Variants in NRXN1 observed in about 807,000 individuals in gnomAD.
The protein encoded by NRXN1 is neurexin 1.
Under a neutral mutation model 150.9 loss-of-function variants are expected in NRXN1, and 39 were observed. The ratio of observed to expected loss-of-function variants is 0.26; its 90% CI spans 0.20 to 0.34. The LOEUF is 0.34. Among genes scored for constraint, NRXN1 ranks in the 10% least tolerant of loss-of-function variants. The pLI is 1.00. For missense variants in NRXN1, 1,815 were observed against 1,949.9 expected (o/e 0.93, Z 1.30); for synonymous variants, 924 against 757.0 (o/e 1.22, Z -3.62).
chr2:50,548,263 A>C (rs2093537884), intron 9 of NRXN1: 1 of 152,200 alleles, frequency 6.6e-6, no homozygotes, highest in Middle Eastern at 3.2e-3. Context: ...AAGGGACAGA[A>C]GTCCTGTTCT....
intron 13 of NRXN1, among the ~76,000 whole-genome samples, chr2:50,499,221 T>G (rs1465180686): frequency 1.3e-5 from 2 of 152,226 alleles, no homozygotes; most frequent in African/African-American, 4.8e-5. Context: ...AAAACTCCCC[T>G]GAACTGTACT....
chr2:50,723,631 C>G (rs1696952356), intron 5 of NRXN1, among the ~76,000 whole-genome samples: 1 of 152,150 alleles, frequency 6.6e-6, no homozygotes, highest in Non-Finnish European at 1.5e-5. Context: ...ACCCAGAGGG[C>G]CTGGGGAAGA....
chr2:50,997,341 G>A (rs1699452066), intron 2 of NRXN1, among the ~76,000 whole-genome samples: 1 of 151,758 alleles, frequency 6.6e-6, no homozygotes, highest in Admixed American at 6.6e-5. Flanking sequence ...ACTCCAGCCT[G>A]GGCAACAGAG....
chr2:50,527,899 G>A (rs887626462), intron 12 of NRXN1, among the ~76,000 whole-genome samples: 2 of 152,012 alleles, frequency 1.3e-5, no homozygotes, highest in Admixed American at 6.6e-5. Flanking sequence ...AGCAAAACCT[G>A]GAAAGAAAAA....
At chr2:50,465,631 T>G in intron 16 of NRXN1, 70 bp from the exon 17 acceptor site, 1 of 1,478,344 alleles carries the variant, frequency 6.8e-7, no homozygotes, top group Non-Finnish European at 9.1e-7. Flanking sequence ...ATGAGCTAGA[T>G]CACATGTAGT....
At chr2:50,926,647 C>G (rs571465601) in intron 2 of NRXN1, among the ~76,000 whole-genome samples, 7 of 152,006 alleles carry the variant, frequency 4.6e-5, no homozygotes, top group African/African-American at 1.2e-4. Flanking sequence ...CCACTGGGAA[C>G]TGTCCATAAG....
intron 5 of NRXN1, among the ~76,000 whole-genome samples, chr2:50,879,342 A>G (rs79927354): frequency 0.073 from 11,143 of 151,884 alleles, 498 homozygotes; most frequent in Middle Eastern, 0.13. Flanking sequence ...CAATCTATAA[A>G]TACTCATATA....
chr2:50,035,267 T>C (rs1324911714), intron 21 of NRXN1, among the ~76,000 whole-genome samples: 3 of 152,152 alleles, frequency 2.0e-5, no homozygotes, highest in Non-Finnish European at 4.4e-5. Context: ...TAGGAGTTCC[T>C]ACTACTTGAA....
chr2:50,862,009 C>T (rs563890795), intron 5 of NRXN1, among the ~76,000 whole-genome samples: 2 of 151,816 alleles, frequency 1.3e-5, no homozygotes, highest in African/African-American at 4.8e-5. Flanking sequence ...CAAGACCAGC[C>T]TGGCCAACAT....
At chr2:50,192,130 G>C (rs957341837) in intron 18 of NRXN1, among the ~76,000 whole-genome samples, 3 of 152,044 alleles carry the variant, frequency 2.0e-5, no homozygotes, top group Non-Finnish European at 4.4e-5. Context: ...TGGAAGAATT[G>C]TGCCTGTATC....
intron 18 of NRXN1, among the ~76,000 whole-genome samples, chr2:50,166,561 C>T (rs1024556404): frequency 2.6e-5 from 4 of 152,080 alleles, no homozygotes; most frequent in Admixed American, 2.6e-4. Context: ...TGAGCTCCCA[C>T]AGACATGTGA....
intron 2 of NRXN1, among the ~76,000 whole-genome samples, chr2:50,951,483 T>G (rs1691326690): frequency 6.6e-6 from 1 of 152,210 alleles, no homozygotes; most frequent in African/African-American, 2.4e-5. Flanking sequence ...CACCAAGTAT[T>G]TTTGGCACAC....
At chr2:50,298,930 G>A (rs977726511) in intron 17 of NRXN1, among the ~76,000 whole-genome samples, 6 of 152,010 alleles carry the variant, frequency 3.9e-5, no homozygotes, top group Admixed American at 2.0e-4. Flanking sequence ...TGCTCTCTGC[G>A]GATAGCCTGT....
chr2:50,356,097 T>C (rs889362304), intron 17 of NRXN1, among the ~76,000 whole-genome samples: 3 of 151,808 alleles, frequency 2.0e-5, no homozygotes, highest in Non-Finnish European at 2.9e-5. Context: ...CAAGCTAAGA[T>C]GCTTGCTGCC....
At chr2:50,226,970 T>C (rs1183539026) in intron 18 of NRXN1, among the ~76,000 whole-genome samples, 1 of 152,006 alleles carries the variant, frequency 6.6e-6, no homozygotes. Context: ...TCTAGGCTCA[T>C]GCTGGGCTCT....
intron 21 of NRXN1, among the ~76,000 whole-genome samples, chr2:50,039,701 T>C (rs1232368447): frequency 1.3e-5 from 2 of 152,082 alleles, no homozygotes; most frequent in Non-Finnish European, 2.9e-5. Flanking sequence ...GGGAAAGAGA[T>C]AAGGTTTGAT....
chr2:49,930,577 A>G (rs1328095566), intron 22 of NRXN1, among the ~76,000 whole-genome samples: 1 of 152,242 alleles, frequency 6.6e-6, no homozygotes, highest in Non-Finnish European at 1.5e-5. Flanking sequence ...CGTATATCAC[A>G]TCACAAATTT....
chr2:51,002,612 A>T (rs1402500648), intron 2 of NRXN1, among the ~76,000 whole-genome samples: 1 of 151,960 alleles, frequency 6.6e-6, no homozygotes, highest in African/African-American at 2.4e-5. Flanking sequence ...TTCCCCCATC[A>T]GGACAGGCAA....
chr2:50,945,485 T>C (rs189545391), intron 2 of NRXN1, among the ~76,000 whole-genome samples: 6 of 142,760 alleles, frequency 4.2e-5, no homozygotes, highest in African/African-American at 1.6e-4. Context: ...ACTAGATATA[T>C]AAATATATAG....
Sources: allele counts gnomAD v4.1 joint callset (sites outside exome capture counted in the v4.1 genomes callset), GRCh38; gene constraint gnomAD v4.1.1; transcripts MANE v1.5; gene names NCBI Gene and HGNC (gene_info 2026-07-23, HGNC 2026-07-21).